The following SYT1 variants were observed in gnomAD, a reference collection of about 807,000 sequenced individuals.
SYT1 encodes the protein synaptotagmin 1.
A neutral mutation model predicts 44.8 loss-of-function variants in SYT1; 8 were observed. The ratio of observed to expected loss-of-function variants is 0.18; its 90% CI spans 0.10 to 0.32. SYT1 has a LOEUF of 0.32. SYT1 is among the 10% of genes least tolerant of loss of function. The pLI, the probability that SYT1 is intolerant of heterozygous loss-of-function variation, is 1.00. For missense variants in SYT1, 286 were observed against 509.3 expected, an observed-to-expected ratio of 0.56 and a Z score of 4.22; for synonymous variants, 154 against 188.8, an observed-to-expected ratio of 0.82 and a Z score of 1.51.
At chr12:79,220,981 T>G (rs1456283822) in intron 4 of SYT1, among the ~76,000 whole-genome samples, 1 of 152,128 alleles carries the variant, frequency 6.6e-6, no homozygotes, top group Non-Finnish European at 1.5e-5. Context: ...GTTTCCCTAC[T>G]GATTTCCTGT....
intron 1 of SYT1, among the ~76,000 whole-genome samples, chr12:78,880,862 T>C (rs12823835): frequency 2.0e-5 from 3 of 151,728 alleles, no homozygotes; most frequent in Non-Finnish European, 2.9e-5. Context: ...AAAATAATTT[T>C]CAGCTTAGCT....
At chr12:79,435,477 T>C (rs185675167) in intron 9 of SYT1, among the ~76,000 whole-genome samples, 2 of 152,246 alleles carry the variant, frequency 1.3e-5, no homozygotes, top group African/African-American at 4.8e-5. Context: ...CTAAACTTTT[T>C]ATTTTCCTTA....
At position 78,878,871 on chromosome 12, in the gene SYT1, C is replaced by T. The variant is rs182859318; in HGVS notation, c.-217+13762C>T. 2.2e-3 allele frequency among the ~76,000 whole-genome samples: 328 copies of T among 151,824 alleles called. 1 individual carries two copies. Among genetic ancestry groups the T allele is most frequent in the African/African-American group, 7.6e-3 (317 of 41,474 alleles). ...ACATAGTCATTCAAAAATCTAGACT[C>T]TGAGAGCTCCAGTGCCCCAGTGTCT... On this transcript the variant is annotated intron_variant, in intron 1 of 10. Coordinates refer to ENST00000261205, the MANE Select transcript of SYT1 (RefSeq NM_005639.3).
At chr12:78,978,507 T>G (rs1266946677) in intron 2 of SYT1, among the ~76,000 whole-genome samples, 1 of 152,178 alleles carries the variant, frequency 6.6e-6, no homozygotes, top group Non-Finnish European at 1.5e-5. Flanking sequence ...AGTACATAAT[T>G]TGGGTTGTAA....
chr12:79,195,313 C>T (rs1471125571), intron 3 of SYT1, among the ~76,000 whole-genome samples: 4 of 152,106 alleles, frequency 2.6e-5, no homozygotes, highest in Non-Finnish European at 5.9e-5. Context: ...CATCTGTTTT[C>T]AGAGTCCAAA....
chr12:79,280,304 A>T lies in SYT1; in HGVS notation c.167-5483A>T, dbSNP rs147771077. Among the ~76,000 whole-genome samples the T allele has an allele frequency of 4.0e-3, 610 of 152,194 alleles. 4 individuals carry two copies. Among genetic ancestry groups the T allele is most frequent in the African/African-American group, 0.014 (566 of 41,558 alleles). On this transcript the variant is annotated intron_variant, in intron 4 of 10. Coordinates refer to ENST00000261205, the MANE Select transcript of SYT1 (RefSeq NM_005639.3). ...TAAAATAAAAGTAATATAAAAGTAG[A>T]CATATAGACCAATGAAACAGAATAT... is the stretch of plus-strand genomic sequence containing the variant.
chr12:78,946,934 C>A (rs531506388), intron 1 of SYT1, among the ~76,000 whole-genome samples: 3 of 152,098 alleles, frequency 2.0e-5, no homozygotes, highest in Non-Finnish European at 4.4e-5. Context: ...GATCAGAATG[C>A]AGTATACACA....
intron 9 of SYT1, among the ~76,000 whole-genome samples, chr12:79,364,804 G>A (rs532404981): frequency 7.9e-5 from 12 of 152,190 alleles, no homozygotes; most frequent in Admixed American, 2.6e-4. Flanking sequence ...TGCACATTTC[G>A]TGATAGTGCA....
At chr12:78,921,830 G>A (rs1043259842) in intron 1 of SYT1, among the ~76,000 whole-genome samples, 9 of 151,844 alleles carry the variant, frequency 5.9e-5, no homozygotes, top group Non-Finnish European at 8.8e-5. Flanking sequence ...GCAGAGACAC[G>A]GGTGAGAGAG....
intron 9 of SYT1, among the ~76,000 whole-genome samples, chr12:79,425,125 AT>A (rs928245288): frequency 1.3e-5 from 2 of 151,832 alleles, no homozygotes; most frequent in African/African-American, 4.8e-5. Flanking sequence ...AAGGTCGTGT[AT>A]TATGGCATTT....
chr12:78,960,830 A>G (rs1879462839), intron 1 of SYT1: 3 of 152,176 alleles, frequency 2.0e-5, no homozygotes, highest in Admixed American at 2.0e-4. Context: ...ATTAGTTTAT[A>G]CTTGAATTGC....
intron 2 of SYT1, among the ~76,000 whole-genome samples, chr12:79,014,122 CAAAAAAA>C (rs1358787041): frequency 5.0e-5 from 2 of 39,736 alleles, no homozygotes; most frequent in African/African-American, 7.7e-5. Flanking sequence ...AGACTCTCTC[CAAAAAAA>C]AAAAAAAAAG....
At chr12:79,158,383 T>G (rs944294818) in intron 3 of SYT1, among the ~76,000 whole-genome samples, 7 of 151,810 alleles carry the variant, frequency 4.6e-5, no homozygotes, top group African/African-American at 1.7e-4. Flanking sequence ...TGACAAGAGG[T>G]GGAGCTCAGG....
At chr12:79,101,115 TG>T (rs1158665839) in intron 3 of SYT1, among the ~76,000 whole-genome samples, 12 of 152,186 alleles carry the variant, frequency 7.9e-5, no homozygotes, top group Non-Finnish European at 1.6e-4. Flanking sequence ...TCAGAAAAAC[TG>T]TACCTTAAAA....
chr12:78,942,319 T>G (rs1192565537), intron 1 of SYT1, among the ~76,000 whole-genome samples: 1 of 152,228 alleles, frequency 6.6e-6, no homozygotes, highest in Non-Finnish European at 1.5e-5. Flanking sequence ...CCTTCAAGAT[T>G]GGTTCTTAAC....
intron 1 of SYT1, among the ~76,000 whole-genome samples, chr12:78,943,970 C>T (rs1011302120): frequency 9.2e-5 from 14 of 152,264 alleles, no homozygotes; most frequent in Admixed American, 9.2e-4. Context: ...CATATTATCA[C>T]TAATTTTGCA....
chr12:79,136,502 A>G (rs866720789), intron 3 of SYT1, among the ~76,000 whole-genome samples: 19 of 152,214 alleles, frequency 1.2e-4, no homozygotes, highest in Non-Finnish European at 1.0e-4. Flanking sequence ...ATAGTTTCCA[A>G]TTACAAAAAG....
chr12:79,119,439 T>C (rs932076754), intron 3 of SYT1, among the ~76,000 whole-genome samples: 1 of 152,162 alleles, frequency 6.6e-6, no homozygotes, highest in East Asian at 1.9e-4. Context: ...GACTTTTTTC[T>C]CCAGACACAC....
At chr12:79,448,041 A>C (rs1870832800) in intron 10 of SYT1, among the ~76,000 whole-genome samples, 1 of 152,226 alleles carries the variant, frequency 6.6e-6, no homozygotes, top group African/African-American at 2.4e-5. Flanking sequence ...TATTCTGCTA[A>C]GTAAATTCAT....
Sources: gnomAD v4.1 joint callset for allele counts (sites outside exome capture counted in the v4.1 genomes callset) on GRCh38, gnomAD v4.1.1 for gene constraint, MANE v1.5 for transcripts, NCBI Gene and HGNC (gene_info 2026-07-23, HGNC 2026-07-21) for gene names.